SNTG2: variants seen among roughly 807,000 people sequenced by gnomAD.
The protein encoded by SNTG2 is gamma-2-syntrophin.
SNTG2 carries 74 observed loss-of-function variants against 70.9 expected under a neutral mutation model. That is an observed-to-expected ratio of 1.04 (90% confidence interval 0.86 to 1.27). The LOEUF is 1.27. Ranked by LOEUF, SNTG2 falls within the 50% of genes most tolerant of loss-of-function variation. The pLI, the probability that SNTG2 is intolerant of heterozygous loss-of-function variation, is 0.00. For missense variants in SNTG2, 717 were observed against 690.7 expected (o/e 1.04, Z -0.43); for synonymous variants, 278 against 273.8 (o/e 1.02, Z -0.15).
chr2:1,260,848 G>A (rs1028720307), intron 13 of SNTG2, among the ~76,000 whole-genome samples: 1 of 152,006 alleles, frequency 6.6e-6, no homozygotes, highest in African/African-American at 2.4e-5. Context: ...ACACATTTTC[G>A]CTTCTCCCCC....
rs376793357 is a variant in SNTG2 at position 1,012,796 on chromosome 2, T to G, written c.72+61728T>G. ...TATGGGCAGAGAGAAGGGTGGTCTG[T>G]AGAGGGATTTATAAGGGCAGAGAGA... On this transcript the variant is annotated intron_variant, in intron 1 of 16. Coordinates refer to ENST00000308624, the MANE Select transcript of SNTG2 (RefSeq NM_018968.4). 6.8e-4 allele frequency among the ~76,000 whole-genome samples: 38 copies of G among 55,902 alleles called. 1 individual carries two copies. Among genetic ancestry groups the G allele is most frequent in the East Asian group, 2.8e-3 (6 of 2,160 alleles). 36.7% of individuals were successfully genotyped at this position (55,902 alleles called of 152,430 possible). A position where few individuals can be genotyped will look rare whatever the true frequency, so the allele number is the denominator to read the frequency against.
chr2:1,140,267 G>A (rs1311013931), intron 6 of SNTG2, among the ~76,000 whole-genome samples: 2 of 152,156 alleles, frequency 1.3e-5, no homozygotes, highest in African/African-American at 4.8e-5. Flanking sequence ...ACACATACAT[G>A]CATATACATT....
intron 11 of SNTG2, among the ~76,000 whole-genome samples, chr2:1,240,557 G>T (rs1676980180): frequency 6.6e-6 from 1 of 152,200 alleles, no homozygotes; most frequent in South Asian, 2.1e-4. Flanking sequence ...ATGCATCATA[G>T]CCTCAAGTTA....
intron 15 of SNTG2, among the ~76,000 whole-genome samples, chr2:1,310,152 T>C (rs1162099761): frequency 6.6e-6 from 1 of 152,230 alleles, no homozygotes; most frequent in Non-Finnish European, 1.5e-5. Context: ...AATTCTGCTT[T>C]AGAGCAGGTT....
intron 14 of SNTG2, among the ~76,000 whole-genome samples, chr2:1,302,577 TAGGC>T (rs1333524119): frequency 6.8e-6 from 1 of 146,910 alleles, no homozygotes; most frequent in Non-Finnish European, 1.5e-5. Flanking sequence ...AACTTACAGT[TAGGC>T]AGGAAAAAAA....
intron 1 of SNTG2, among the ~76,000 whole-genome samples, chr2:974,395 G>A (rs1488472944): frequency 6.6e-6 from 1 of 152,198 alleles, no homozygotes; most frequent in Non-Finnish European, 1.5e-5. Context: ...ACCTGGCCGT[G>A]GTAAGGCACT....
At chr2:1,364,490 C>A (rs1001897711) in intron 16 of SNTG2, among the ~76,000 whole-genome samples, 3 of 151,830 alleles carry the variant, frequency 2.0e-5, no homozygotes, top group Non-Finnish European at 2.9e-5. Flanking sequence ...GGCGCGGTGG[C>A]TCACGCCTGT....
chr2:1,263,416 CT>C (rs1267445589), intron 13 of SNTG2, among the ~76,000 whole-genome samples: 2 of 152,042 alleles, frequency 1.3e-5, no homozygotes, highest in Non-Finnish European at 2.9e-5. Flanking sequence ...ATAAGTTTAT[CT>C]TTTAAATTCC....
chr2:1,102,149 C>T (rs771913210), intron 4 of SNTG2, among the ~76,000 whole-genome samples: 74 of 152,266 alleles, frequency 4.9e-4, no homozygotes, highest in South Asian at 2.1e-4. Flanking sequence ...GCAGAGATGA[C>T]GGCTCCTGTG....
intron 7 of SNTG2, among the ~76,000 whole-genome samples, chr2:1,171,044 A>G (rs1048805945): frequency 2.6e-5 from 4 of 152,186 alleles, no homozygotes; most frequent in Non-Finnish European, 4.4e-5. Context: ...TTTAATAAAC[A>G]TTGATCATAT....
At chr2:1,140,613 C>CAACA (rs1305837234) in intron 6 of SNTG2, among the ~76,000 whole-genome samples, 2 of 152,376 alleles carry the variant, frequency 1.3e-5, no homozygotes, top group East Asian at 3.9e-4. Flanking sequence ...GGGCGCAGAA[C>CAACA]AACAGCCTGG....
At chr2:1,131,754 T>C (rs1668030405) in intron 4 of SNTG2, among the ~76,000 whole-genome samples, 1 of 151,874 alleles carries the variant, frequency 6.6e-6, no homozygotes, top group South Asian at 2.1e-4. Context: ...CGGGTTCACG[T>C]GATTCTCCTG....
At chr2:1,245,122 C>G (rs534122836) in intron 11 of SNTG2, among the ~76,000 whole-genome samples, 67 of 85,998 alleles carry the variant, frequency 7.8e-4, no homozygotes, top group African/African-American at 3.0e-3. Flanking sequence ...GGACTGTTGT[C>G]GGGTGGGGGG....
At chr2:1,178,655 A>G (rs1317837093) in intron 8 of SNTG2, among the ~76,000 whole-genome samples, 1 of 152,180 alleles carries the variant, frequency 6.6e-6, no homozygotes, top group Non-Finnish European at 1.5e-5. Context: ...GATGAAGCCC[A>G]CTTGATCATG....
At chr2:1,067,337 C>T (rs1313516776) in intron 1 of SNTG2, among the ~76,000 whole-genome samples, 8 of 152,076 alleles carry the variant, frequency 5.3e-5, no homozygotes, top group Non-Finnish European at 8.8e-5. Context: ...ATAGTTAGTA[C>T]TTCACATATT....
At chr2:1,284,874 G>C (rs1679702939) in intron 14 of SNTG2, among the ~76,000 whole-genome samples, 1 of 148,786 alleles carries the variant, frequency 6.7e-6, no homozygotes, top group Non-Finnish European at 1.5e-5. Context: ...TATACTTACT[G>C]TATTAGTCAG....
chr2:1,072,091 T>C (rs1325834394), intron 1 of SNTG2, among the ~76,000 whole-genome samples: 1 of 152,160 alleles, frequency 6.6e-6, no homozygotes, highest in Non-Finnish European at 1.5e-5. Flanking sequence ...TGCAGCAAGT[T>C]ATTCTGAAGA....
At chr2:1,037,458 G>GA (rs1430849021) in intron 1 of SNTG2, among the ~76,000 whole-genome samples, 1 of 152,160 alleles carries the variant, frequency 6.6e-6, no homozygotes, top group Admixed American at 6.5e-5. Flanking sequence ...ATAGGTTTTA[G>GA]ACCATTTCCA....
intron 10 of SNTG2, among the ~76,000 whole-genome samples, 152 bp from the exon 11 acceptor site, chr2:1,239,586 T>C (rs2148111233): frequency 6.6e-6 from 1 of 152,354 alleles, no homozygotes; most frequent in Non-Finnish European, 1.5e-5. Context: ...CATGTTTGTA[T>C]TGACTCTGGC....
Sources: allele counts gnomAD v4.1 joint callset (sites outside exome capture counted in the v4.1 genomes callset), GRCh38; gene constraint gnomAD v4.1.1; transcripts MANE v1.5; gene names NCBI Gene and HGNC (gene_info 2026-07-23, HGNC 2026-07-21).